Variants in TIAM1 observed in about 807,000 individuals in gnomAD.
TIAM1 encodes rho guanine nucleotide exchange factor TIAM1.
Under a neutral mutation model 163.5 loss-of-function variants are expected in TIAM1, and 65 were observed. The observed-to-expected ratio is 0.40, with a 90% CI of 0.33 to 0.49. The LOEUF (loss-of-function observed/expected upper bound fraction) is 0.49, where lower values mean the gene tolerates loss of function less well. Ranked by LOEUF, TIAM1 falls within the 20% of genes least tolerant of loss-of-function variation. The pLI is 0.77. For missense variants in TIAM1, 1,789 were observed against 2,044.7 expected (o/e 0.87, Z 2.41); for synonymous variants, 833 against 810.1 (o/e 1.03, Z -0.48).
intron 1 of TIAM1, among the ~76,000 whole-genome samples, chr21:31,520,890 C>CT (rs1214681877): frequency 6.6e-6 from 1 of 152,254 alleles, no homozygotes; most frequent in East Asian, 1.9e-4. Flanking sequence ...CCCCAGGCTT[C>CT]TGCTGCCTTT....
intron 14 of TIAM1, 104 bp downstream of exon 14, chr21:31,186,897 C>T: frequency 1.0e-6 from 1 of 973,580 alleles, no homozygotes; most frequent in South Asian, 1.4e-5. Context: ...TGTTCAAATA[C>T]TTTCCACAAA....
At chr21:31,489,576 C>G (rs886738817) in intron 1 of TIAM1, among the ~76,000 whole-genome samples, 10 of 151,498 alleles carry the variant, frequency 6.6e-5, no homozygotes, top group African/African-American at 2.2e-4. Flanking sequence ...TGCAGACCCC[C>G]CCCCCCTTGG....
At chr21:31,296,958 T>G (rs2074300160) in intron 2 of TIAM1, among the ~76,000 whole-genome samples, 1 of 152,126 alleles carries the variant, frequency 6.6e-6, no homozygotes, top group Non-Finnish European at 1.5e-5. Context: ...CCACTGCATC[T>G]GGCCTGGACT....
intron 17 of TIAM1, among the ~76,000 whole-genome samples, chr21:31,153,897 CA>C (rs58362576): frequency 0.17 from 24,779 of 149,684 alleles, 2,211 homozygotes; most frequent in African/African-American, 0.21. Context: ...CTCCTCTCTA[CA>C]AAAAAAAACA....
Position 31,124,681 on chromosome 21 carries a change from G to A in TIAM1, c.4147C>T (p.Arg1383Ter). The change falls in exon 27 of 28, where the codon CGA becomes TGA. Residue 1383 changes from arginine (R) to a stop codon, truncating the protein, a stop_gained. Transcript: ENST00000541036. LOFTEE classifies it high-confidence loss of function. Reference protein sequence around the residue: ...FHLCCSSPESRKDFLKAVHSI... With the variant: ...FHLCCSSPES Reference sequence around the variant, plus strand: ...TGCACAGCCTTTAGGAAATCCTTTCGGCTCTCTGGGGAGCTAGGAAAAGAA... The same window carrying A: ...TGCACAGCCTTTAGGAAATCCTTTCAGCTCTCTGGGGAGCTAGGAAAAGAA... 3 of 1,578,174 alleles carry A rather than the reference G, an allele frequency of 1.9e-6. No individual in the cohort carries two copies. The highest frequency in any genetic ancestry group is 2.6e-6 in the Non-Finnish European group (3 of 1,161,952).
rs1261345872 is a variant in TIAM1 at position 31,144,752 on chromosome 21, C to T, written c.3475+2143G>A. 2.0e-4 allele frequency among the ~76,000 whole-genome samples: 28 copies of T among 143,348 alleles called. 1 individual carries two copies. The allele number at this position is 143,348 out of a possible 152,430, so 94.0% of individuals were successfully genotyped here. On this transcript the variant is annotated intron_variant, in intron 20 of 27. Coordinates refer to ENST00000541036, the MANE Select transcript of TIAM1 (RefSeq NM_001353694.2). ...GCTGAGGCAGGATAATCACTTGAACCTGGGAGGCAGAGGTTGCAGTGAGCC... is the reference window on the plus strand; with the variant it reads ...GCTGAGGCAGGATAATCACTTGAACTTGGGAGGCAGAGGTTGCAGTGAGCC...
chr21:31,473,959 A>G (rs1457008639), intron 1 of TIAM1, among the ~76,000 whole-genome samples: 1 of 152,210 alleles, frequency 6.6e-6, no homozygotes, highest in Non-Finnish European at 1.5e-5. Flanking sequence ...CAGGCTGCAC[A>G]AGAAGCATGG....
chr21:31,341,079 A>G (rs1470034796), intron 1 of TIAM1, among the ~76,000 whole-genome samples: 1 of 152,176 alleles, frequency 6.6e-6, no homozygotes, highest in Non-Finnish European at 1.5e-5. Context: ...GAAAGGTTGG[A>G]GGTAGGACAA....
chr21:31,322,086 A>G (rs897419727), intron 2 of TIAM1, among the ~76,000 whole-genome samples: 8 of 152,180 alleles, frequency 5.3e-5, no homozygotes, highest in Admixed American at 2.0e-4. Flanking sequence ...AGAGAAAGAA[A>G]TAAAAATCTA....
In TIAM1 at chr21:31,309,789, A is replaced by C. The variant is rs141344244; in HGVS notation, c.-189+29454T>G. Among the ~76,000 whole-genome samples the C allele has an allele frequency of 4.3e-3, 651 of 152,364 alleles. 4 individuals carry two copies. Among genetic ancestry groups the C allele is most frequent in the African/African-American group, 0.015 (612 of 41,588 alleles). ...AAAAACCCAAATCTGATTTCAACTA[A>C]AATCCATCATGCGTGACCAGACATT... On this transcript the variant is annotated intron_variant, in intron 2 of 27. Coordinates refer to ENST00000541036, the MANE Select transcript of TIAM1 (RefSeq NM_001353694.2).
intron 7 of TIAM1, 77 bp from the exon 8 acceptor site, chr21:31,223,668 T>G: frequency 7.0e-7 from 1 of 1,418,928 alleles, no homozygotes; most frequent in Non-Finnish European, 9.4e-7. Context: ...CCTATACAGA[T>G]CTATATGTCG....
intron 1 of TIAM1, among the ~76,000 whole-genome samples, chr21:31,494,353 A>G (rs921692183): frequency 6.6e-6 from 1 of 152,208 alleles, no homozygotes; most frequent in East Asian, 1.9e-4. Context: ...CACCAAGATC[A>G]AGACAAACCC....
At chr21:31,501,547 G>A (rs1387562045) in intron 1 of TIAM1, among the ~76,000 whole-genome samples, 1 of 152,008 alleles carries the variant, frequency 6.6e-6, no homozygotes, top group East Asian at 1.9e-4. Flanking sequence ...AGACAAAACT[G>A]GTATTTCTCA....
chr21:31,485,249 G>A (rs1482692820), intron 1 of TIAM1, among the ~76,000 whole-genome samples: 1 of 152,100 alleles, frequency 6.6e-6, no homozygotes, highest in Non-Finnish European at 1.5e-5. Flanking sequence ...CTCACTCCAT[G>A]CCTCGCACAC....
At chr21:31,546,041 C>T (rs1202057222) in intron 1 of TIAM1, among the ~76,000 whole-genome samples, 1 of 150,096 alleles carries the variant, frequency 6.7e-6, no homozygotes, top group African/African-American at 2.5e-5. Flanking sequence ...TGCTTTTATA[C>T]AGGAAGAGAA....
chr21:31,478,057 G>C (rs1383359885), intron 1 of TIAM1, among the ~76,000 whole-genome samples: 1 of 152,172 alleles, frequency 6.6e-6, no homozygotes, highest in Admixed American at 6.5e-5. Flanking sequence ...GGAAAGAATT[G>C]GGAAAAAATT....
At chr21:31,337,144 G>A (rs1044715013) in intron 2 of TIAM1, among the ~76,000 whole-genome samples, 8 of 152,178 alleles carry the variant, frequency 5.3e-5, no homozygotes, top group African/African-American at 1.9e-4. Flanking sequence ...GAGAAGTCAT[G>A]TATACGTTTT....
chr21:31,211,773 A>G (rs1393527232), intron 10 of TIAM1, among the ~76,000 whole-genome samples: 1 of 152,256 alleles, frequency 6.6e-6, no homozygotes, highest in East Asian at 1.9e-4. Context: ...GTGCCACATT[A>G]AATAAATGCC....
At chr21:31,525,137 T>C (rs1002157510) in intron 1 of TIAM1, among the ~76,000 whole-genome samples, 1 of 151,968 alleles carries the variant, frequency 6.6e-6, no homozygotes, top group Non-Finnish European at 1.5e-5. Flanking sequence ...CTCAGCACTT[T>C]GGGAGGCCGA....
Sources: allele counts gnomAD v4.1 joint callset (sites outside exome capture counted in the v4.1 genomes callset), GRCh38; gene constraint gnomAD v4.1.1; transcripts MANE v1.5; gene names NCBI Gene and HGNC (gene_info 2026-07-23, HGNC 2026-07-21).